PHTF2: variants seen among roughly 807,000 people sequenced by gnomAD.
PHTF2 encodes the protein protein PHTF2.
Under a neutral mutation model 101.2 loss-of-function variants are expected in PHTF2, and 60 were observed. The observed-to-expected ratio is 0.59, with a 90% confidence interval of 0.48 to 0.73. The LOEUF is 0.73. Among genes scored for constraint, PHTF2 ranks in the 30% least tolerant of loss-of-function variants. The pLI is 0.00. For synonymous variants in PHTF2, 311 were observed against 307.3 expected (o/e 1.01, Z -0.13); for missense variants, 747 against 908.7 (o/e 0.82, Z 2.29).
chr7:77,869,189 G>A (rs1290726491), intron 3 of PHTF2, among the ~76,000 whole-genome samples: 1 of 152,052 alleles, frequency 6.6e-6, no homozygotes, highest in Non-Finnish European at 1.5e-5. Context: ...TGGGATACAT[G>A]TAATATTTTG....
chr7:77,799,952 T>G (rs1792401418), intron 1 of PHTF2, among the ~76,000 whole-genome samples: 1 of 152,254 alleles, frequency 6.6e-6, no homozygotes, highest in Non-Finnish European at 1.5e-5. Flanking sequence ...TGTGATACTT[T>G]AATCTTAAGG....
At chr7:77,943,094 A>G (rs190936411) in intron 16 of PHTF2, among the ~76,000 whole-genome samples, 22 of 148,572 alleles carry the variant, frequency 1.5e-4, no homozygotes, top group Non-Finnish European at 3.1e-4. Flanking sequence ...TATCCAATTT[A>G]TTCATGTTTA....
At chr7:77,800,255 A>G (rs190010337) in intron 1 of PHTF2, among the ~76,000 whole-genome samples, 2 of 152,348 alleles carry the variant, frequency 1.3e-5, no homozygotes, top group Non-Finnish European at 2.9e-5. Context: ...ATGCGTTATC[A>G]GTTGTAGTGG....
At chr7:77,811,468 A>T (rs886489337) in intron 1 of PHTF2, among the ~76,000 whole-genome samples, 7 of 152,226 alleles carry the variant, frequency 4.6e-5, no homozygotes, top group African/African-American at 1.4e-4. Flanking sequence ...ACATCTATTG[A>T]TGATTCTTGT....
At position 77,891,581 on chromosome 7, in the gene PHTF2, T is replaced by TTGTTGTTG. The variant is rs373881454; in HGVS notation, c.148-2026_148-2025insGTTGTTGT. ...TTTTGGGGGTATAATATGGTTTTTT[T>TTGTTGTTG]TTGTTGTTGTTGTTTGTTTTTTGTT... On this transcript the variant is annotated intron_variant, in intron 3 of 19. Coordinates refer to ENST00000416283, the Ensembl canonical transcript of PHTF2. Among the ~76,000 whole-genome samples the TTGTTGTTG allele has an allele frequency of 4.0e-3, 611 of 151,732 alleles. 3 individuals carry two copies. The highest frequency in any genetic ancestry group is 3.9e-3 in the Non-Finnish European group (266 of 67,906).
At chr7:77,911,035 A>AT (rs939081947) in intron 9 of PHTF2, among the ~76,000 whole-genome samples, 2 of 152,112 alleles carry the variant, frequency 1.3e-5, no homozygotes. Flanking sequence ...GAATTGTATA[A>AT]TTTTTTTCTT....
chr7:77,798,834 T>C (rs372495152), exon 1 of PHTF2: 3 of 151,836 alleles, frequency 2.0e-5, no homozygotes, highest in Non-Finnish European at 4.4e-5. Flanking sequence ...GGAGAGGGGG[T>C]GGGGCAACCC....
At chr7:77,879,799 C>T (rs1469273288) in intron 3 of PHTF2, among the ~76,000 whole-genome samples, 1 of 152,124 alleles carries the variant, frequency 6.6e-6, no homozygotes, top group African/African-American at 2.4e-5. Context: ...AATTTATTTT[C>T]ATAAATTGAT....
chr7:77,902,456 C>G (rs1467334071), intron 7 of PHTF2, among the ~76,000 whole-genome samples: 1 of 152,072 alleles, frequency 6.6e-6, no homozygotes, highest in African/African-American at 2.4e-5. Flanking sequence ...ACCTGAGTGC[C>G]CAACGCCACA....
chr7:77,839,741 G>C (rs12530586), intron 1 of PHTF2, among the ~76,000 whole-genome samples: 3,359 of 152,038 alleles, frequency 0.022, 53 homozygotes, highest in Middle Eastern at 0.068. Flanking sequence ...TTGGCTCTTG[G>C]GTTATTTTAA....
intron 9 of PHTF2, among the ~76,000 whole-genome samples, chr7:77,915,759 TG>T (rs1406718196): frequency 6.6e-6 from 1 of 151,998 alleles, no homozygotes; most frequent in Non-Finnish European, 1.5e-5. Context: ...TTGCTAAGGG[TG>T]CACTGTGCAT....
intron 1 of PHTF2, among the ~76,000 whole-genome samples, chr7:77,819,961 C>T (rs1455810815): frequency 1.3e-5 from 2 of 152,076 alleles, no homozygotes; most frequent in Non-Finnish European, 1.5e-5. Flanking sequence ...GTGATCTCGA[C>T]TCACTGCAAC....
chr7:77,841,084 T>C (rs1562863380), intron 2 of PHTF2, among the ~76,000 whole-genome samples: 1 of 136,398 alleles, frequency 7.3e-6, no homozygotes, highest in East Asian at 2.0e-4. Context: ...ACTTTTTTTT[T>C]TTTTTTTTTT....
intron 1 of PHTF2, among the ~76,000 whole-genome samples, chr7:77,830,991 A>G (rs1302130624): frequency 6.6e-6 from 1 of 152,254 alleles, no homozygotes; most frequent in Non-Finnish European, 1.5e-5. Context: ...GGAAGACCCA[A>G]TGATGAGACA....
At chr7:77,867,812 A>G (rs771413108) in intron 3 of PHTF2, among the ~76,000 whole-genome samples, 6 of 152,196 alleles carry the variant, frequency 3.9e-5, no homozygotes, top group Non-Finnish European at 7.4e-5. Flanking sequence ...AATAAAGTAA[A>G]TACTTAATCT....
At chr7:77,833,653 A>G (rs554876272) in intron 1 of PHTF2, among the ~76,000 whole-genome samples, 113 of 152,156 alleles carry the variant, frequency 7.4e-4, no homozygotes, top group Admixed American at 2.7e-3. Flanking sequence ...TTTGTGTGAT[A>G]TACTTCTCAG....
chr7:77,908,723 C>T, intron 7 of PHTF2, 70 bp from the exon 7 acceptor site: 1 of 1,000,642 alleles, frequency 1.0e-6, no homozygotes, highest in South Asian at 2.4e-5. Context: ...AATGTAAAAA[C>T]AATTTTAAAA....
At chr7:77,938,574 C>CA (rs1199953163) in intron 13 of PHTF2, among the ~76,000 whole-genome samples, 2 of 148,330 alleles carry the variant, frequency 1.3e-5, no homozygotes, top group African/African-American at 4.9e-5. Context: ...ACTAAAAATA[C>CA]AAAAAAATTA....
chr7:77,911,292 C>G (rs999819421), intron 9 of PHTF2, among the ~76,000 whole-genome samples: 8 of 145,860 alleles, frequency 5.5e-5, no homozygotes, highest in Non-Finnish European at 1.1e-4. Context: ...TACAACTATA[C>G]AAAAATGGCT....
Sources: allele counts gnomAD v4.1 joint callset (sites outside exome capture counted in the v4.1 genomes callset), GRCh38; gene constraint gnomAD v4.1.1; transcripts MANE v1.5; gene names NCBI Gene and HGNC (gene_info 2026-07-23, HGNC 2026-07-21).